Variants in PPP2R1A observed in about 807,000 individuals in gnomAD.
The protein encoded by PPP2R1A is serine/threonine-protein phosphatase 2A 65 kDa regulatory subunit A alpha isoform.
In PPP2R1A, 15 loss-of-function variants were observed where a neutral mutation model predicts 67.1. The ratio of observed to expected loss-of-function variants is 0.22; its 90% CI spans 0.15 to 0.34. The LOEUF (loss-of-function observed/expected upper bound fraction) is 0.34, where lower values mean the gene tolerates loss of function less well. Ranked by LOEUF, PPP2R1A falls within the 10% of genes least tolerant of loss-of-function variation. The probability of loss-of-function intolerance (pLI) is 1.00; values close to 1 mark genes in which losing one functional copy is unlikely to be tolerated. For missense variants in PPP2R1A, 369 were observed against 775.0 expected (o/e 0.48, Z 6.22); for synonymous variants, 337 against 325.0 (o/e 1.04, Z -0.40).
intron 1 of PPP2R1A, chr19:52,200,210 T>TC (rs1210044965): frequency 2.0e-5 from 3 of 152,128 alleles, no homozygotes; most frequent in Non-Finnish European, 4.4e-5. Flanking sequence ...TTAGTCACTC[T>TC]CCCCCTCATG....
At position 52,219,270 on chromosome 19, in the gene PPP2R1A, T is replaced by C. The variant is rs1568597565; in HGVS notation, c.1129-421T>C. ...TCAGTGCTCCTTTATTTATTTATTT[T>C]TTTAGACTAAAATAGTTTTAATAAG... On this transcript the variant is annotated intron_variant, in intron 9 of 14. Transcript: ENST00000322088. This position sits in a 1 kb window ranked among gnomAD's most constrained non-coding sequence, Gnocchi z 4.0. Among the ~76,000 whole-genome samples the C allele has an allele frequency of 6.6e-6, 1 of 152,230 alleles. No homozygotes were observed. The highest frequency in any genetic ancestry group is 1.5e-5 in the Non-Finnish European group (1 of 68,048).
chr19:52,196,287 C>T (rs547740542), intron 1 of PPP2R1A, among the ~76,000 whole-genome samples: 5 of 152,256 alleles, frequency 3.3e-5, no homozygotes, highest in South Asian at 4.1e-4. Context: ...GAGACCCCAA[C>T]CTAGAGTTGT....
chr19:52,209,383 G>A (rs1466346173), intron 3 of PPP2R1A, among the ~76,000 whole-genome samples: 1 of 152,144 alleles, frequency 6.6e-6, no homozygotes, highest in South Asian at 2.1e-4. Flanking sequence ...AACTTGAGAC[G>A]TCACGATAGC....
chr19:52,215,768 C>A lies in PPP2R1A; in HGVS notation c.808-11C>A. On this transcript the variant is annotated splice_polypyrimidine_tract_variant and intron_variant, in intron 6 of 14. Coordinates refer to ENST00000322088, the MANE Select transcript of PPP2R1A (RefSeq NM_014225.6). ...CCCTCTCACTCTCCCCCTCCTCCTT[C>A]CTGTCTGCAGCTCCAGAAAGCAGTG... 1 of 1,611,516 alleles carries A rather than the reference C, an allele frequency of 6.2e-7. No homozygotes were observed. Among genetic ancestry groups the A allele is most frequent in the Non-Finnish European group, 8.5e-7 (1 of 1,177,622 alleles).
chr19:52,218,122 G>C (rs1978694466), intron 9 of PPP2R1A, among the ~76,000 whole-genome samples: 1 of 152,202 alleles, frequency 6.6e-6, no homozygotes, highest in African/African-American at 2.4e-5. Context: ...CCTTGGTGGT[G>C]AAAAACTGGG....
chr19:52,191,956 C>T (rs1209807017), intron 1 of PPP2R1A, among the ~76,000 whole-genome samples: 1 of 152,070 alleles, frequency 6.6e-6, no homozygotes, highest in Non-Finnish European at 1.5e-5. Flanking sequence ...AGGAACAAGA[C>T]AGAAAAAACT....
Position 52,216,384 on chromosome 19 carries a change from T to A in PPP2R1A, c.994-145T>A. On this transcript the variant is annotated intron_variant, in intron 8 of 14. Transcript: ENST00000322088. This position sits in a 1 kb window ranked among gnomAD's most constrained non-coding sequence, Gnocchi z 4.3. ...AGGTGGTACTCATAAGGAATAGTGA[T>A]TTCCCCTGTACCCTAAGCCATCCCC... 1 of 1,119,342 alleles carries A rather than the reference T, an allele frequency of 8.9e-7. No individual in the cohort carries two copies. Among genetic ancestry groups the A allele is most frequent in the South Asian group, 1.5e-5 (1 of 65,760 alleles). The allele number at this position is 1,119,342 out of a possible 1,614,324, so 69.3% of individuals were successfully genotyped here. A position where few individuals can be genotyped will look rare whatever the true frequency, so the allele number is the denominator to read the frequency against.
In PPP2R1A at chr19:52,219,676, C is replaced by T; in HGVS notation, c.1129-15C>T. ...TGCATTGCATTCTCTCAGAATCCTT[C>T]TTTCCTCTCCTCAGTGCCCTGAGGT... On this transcript the variant is annotated splice_polypyrimidine_tract_variant and intron_variant, in intron 9 of 14. Transcript: ENST00000322088. The surrounding 1 kb of genome is among the most constrained non-coding windows in gnomAD (Gnocchi z 4.0). 6.2e-7 allele frequency: 1 copy of T among 1,601,338 alleles called. No individual in the cohort carries two copies. The highest frequency in any genetic ancestry group is 8.5e-7 in the Non-Finnish European group (1 of 1,170,770).
intron 13 of PPP2R1A, among the ~76,000 whole-genome samples, chr19:52,225,209 G>A (rs1346688604): frequency 1.3e-5 from 2 of 150,738 alleles, no homozygotes; most frequent in African/African-American, 4.9e-5. Context: ...TAGGGACAGG[G>A]TTTCTCCATG....
At chr19:52,207,964 C>T (rs1336210559) in intron 3 of PPP2R1A, among the ~76,000 whole-genome samples, 2 of 152,066 alleles carry the variant, frequency 1.3e-5, no homozygotes, top group Non-Finnish European at 2.9e-5. Flanking sequence ...GAGGAGGTGG[C>T]TGTTAACCTG....
intron 2 of PPP2R1A, 114 bp from the exon 3 acceptor site, chr19:52,205,849 G>A: frequency 1.2e-6 from 1 of 844,170 alleles, no homozygotes; most frequent in Non-Finnish European, 2.0e-6. Flanking sequence ...GTGGGCGGAT[G>A]GAAGAACTGA....
chr19:52,222,078 C>G lies in PPP2R1A; in HGVS notation c.1519-21C>G, dbSNP rs796773051. ...AGCCAGGAGCTTTGCATACTCACCC[C>G]TGCCACTCACTGGCCCCCAGGTGCT... On this transcript the variant is annotated intron_variant, in intron 12 of 14. Transcript: ENST00000322088. 10 of 1,591,772 alleles carry G rather than the reference C, an allele frequency of 6.3e-6. No individual in the cohort carries two copies. The African/African-American group carries it at 1.3e-4, about 21-fold the overall frequency.
intron 3 of PPP2R1A, among the ~76,000 whole-genome samples, chr19:52,208,821 A>T (rs140678951): frequency 1.3e-5 from 2 of 152,292 alleles, no homozygotes; most frequent in African/African-American, 4.8e-5. Flanking sequence ...CTCTTTTGGA[A>T]TTATGGATCC....
chr19:52,229,169 A>T lies in PPP2R1A; in HGVS notation c.*3188A>T, dbSNP rs1161758241. The T allele has an allele frequency of 1.3e-5, 2 of 152,370 alleles. No homozygotes were observed. Among genetic ancestry groups the T allele is most frequent in the African/African-American group, 4.8e-5 (2 of 41,416 alleles). The allele number at this position is 152,370 out of a possible 1,614,324, so 9.4% of individuals were successfully genotyped here. On this transcript the variant is annotated 3_prime_UTR_variant, in exon 15 of 15. Transcript: ENST00000322088. Reference sequence around the variant, plus strand: ...TAAATTTAAAAAAATTGGTGTGGGCACAGTGGCTCGCACCTGTAATCCCAG... The same window carrying T: ...TAAATTTAAAAAAATTGGTGTGGGCTCAGTGGCTCGCACCTGTAATCCCAG...
rs564344833 is a variant in PPP2R1A, at chr19:52,212,204, G to A, written c.504-482G>A. 6.6e-6 allele frequency among the ~76,000 whole-genome samples: 1 copy of A among 152,296 alleles called. No homozygotes were observed. The highest frequency in any genetic ancestry group is 1.5e-5 in the Non-Finnish European group (1 of 68,020). ...GGGCTCAAGCATTCCTCCTGCCTTA[G>A]CCTCTCAAATAGCTGGGACCACAGG... On this transcript the variant is annotated intron_variant, in intron 4 of 14. Transcript: ENST00000322088. The surrounding 1 kb of genome is among the most constrained non-coding windows in gnomAD (Gnocchi z 4.1).
chr19:52,207,545 G>A (rs1028735351), intron 3 of PPP2R1A, among the ~76,000 whole-genome samples: 1 of 152,182 alleles, frequency 6.6e-6, no homozygotes, highest in Admixed American at 6.5e-5. Flanking sequence ...GCAGTTCCCT[G>A]TGACCGATGT....
Position 52,211,341 on chromosome 19 carries a change from G to C in PPP2R1A, c.352G>C (p.Glu118Gln). 1 of 1,614,048 alleles carries C rather than the reference G, an allele frequency of 6.2e-7. No homozygotes were observed. The highest frequency in any genetic ancestry group is 1.1e-5 in the South Asian group (1 of 91,084). ...AVESLRAISH[E>Q]HSPSDLEAHF... Reference sequence around the variant, plus strand: ...GGAGTCCTTACGGGCCATCTCACACGAGCACTCGCCCTCTGACCTGGAGGC... The same window carrying C: ...GGAGTCCTTACGGGCCATCTCACACCAGCACTCGCCCTCTGACCTGGAGGC... Residue 118 changes from glutamate to glutamine, a missense_variant, in exon 4 of 15, where the codon GAG (glutamate) becomes CAG (glutamine). This residue lies in a region of PPP2R1A where 93 missense variants were observed against 266.5 expected (regional missense o/e 0.35). Coordinates refer to ENST00000322088, the MANE Select transcript of PPP2R1A (RefSeq NM_014225.6). This position sits in a 1 kb window ranked among gnomAD's most constrained non-coding sequence, Gnocchi z 5.3.
rs1021308611 is a variant in PPP2R1A, at chr19:52,213,351, A to C, written c.807+241A>C. ...GCAAAGTTAAGGCTACGTGGAGGAA[A>C]GTGCCACAGGAGCAGAGAAGGGTAG... On this transcript the variant is annotated intron_variant, in intron 6 of 14. Coordinates refer to ENST00000322088, the MANE Select transcript of PPP2R1A (RefSeq NM_014225.6). The surrounding 1 kb of genome is among the most constrained non-coding windows in gnomAD (Gnocchi z 4.2). 3.3e-5 allele frequency among the ~76,000 whole-genome samples: 5 copies of C among 151,968 alleles called. No individual in the cohort carries two copies. The highest frequency in any genetic ancestry group is 5.9e-5 in the Non-Finnish European group (4 of 68,008).
intron 3 of PPP2R1A, among the ~76,000 whole-genome samples, chr19:52,206,964 C>T (rs1325038048): frequency 2.0e-5 from 3 of 152,100 alleles, no homozygotes; most frequent in African/African-American, 7.2e-5. Context: ...TTTCTCCTAG[C>T]TCTAGTGGTG....
Sources: allele counts gnomAD v4.1 joint callset (sites outside exome capture counted in the v4.1 genomes callset), GRCh38; gene constraint gnomAD v4.1.1; regional missense constraint gnomAD v4.1.1; non-coding constraint Gnocchi (gnomAD v3.1); transcripts MANE v1.5; gene names NCBI Gene and HGNC (gene_info 2026-07-23, HGNC 2026-07-21).